FAM76B: variants seen among roughly 807,000 people sequenced by gnomAD.
FAM76B encodes protein FAM76B.
In FAM76B, 16 loss-of-function variants were observed where a neutral mutation model predicts 51.8. The ratio of observed to expected loss-of-function variants is 0.31; its 90% CI spans 0.21 to 0.47. The LOEUF is 0.47. Among genes scored for constraint, FAM76B ranks in the 20% least tolerant of loss-of-function variants. The probability of loss-of-function intolerance (pLI) is 1.00; values close to 1 mark genes in which losing one functional copy is unlikely to be tolerated. For synonymous variants in FAM76B, 166 were observed against 129.5 expected (o/e 1.28, Z -1.91); for missense variants, 342 against 392.6 (o/e 0.87, Z 1.09).
intron 5 of FAM76B, among the ~76,000 whole-genome samples, chr11:95,782,043 GAACA>G (rs1460429821): frequency 3.9e-5 from 6 of 152,080 alleles, no homozygotes; most frequent in African/African-American, 9.7e-5. Flanking sequence ...AAAAATTTAA[GAACA>G]AACAATAAAT....
chr11:95,780,811 G>A (rs879336861), intron 5 of FAM76B, among the ~76,000 whole-genome samples: 2 of 151,880 alleles, frequency 1.3e-5, no homozygotes, highest in African/African-American at 2.4e-5. Flanking sequence ...ACTGATATGA[G>A]CATTAAATGA....
At position 95,770,751 on chromosome 11, in the gene FAM76B, T is replaced by C. The variant is rs1859730846; in HGVS notation, c.*810A>G. On this transcript the variant is annotated 3_prime_UTR_variant, in exon 10 of 10. Transcript: ENST00000358780. ...ATCTCAAACATTTTACTAGCAACTTTGATTTCCTTTTGAAATAGGCTTCTG... is the reference window on the plus strand; with the variant it reads ...ATCTCAAACATTTTACTAGCAACTTCGATTTCCTTTTGAAATAGGCTTCTG... The C allele has an allele frequency of 6.6e-6, 1 of 151,792 alleles. No individual in the cohort carries two copies. The highest frequency in any genetic ancestry group is 2.4e-5 in the African/African-American group (1 of 41,366). The allele number at this position is 151,792 out of a possible 1,614,324, so 9.4% of individuals were successfully genotyped here.
In FAM76B at chr11:95,784,531, G is replaced by T. The variant is rs184017523; in HGVS notation, c.364-1267C>A. ...AGGCACTCTTAGCACTGTTGGCCAT[G>T]AGTGCAATTAAATTAATCGACAGTG... On this transcript the variant is annotated intron_variant, in intron 4 of 9. Transcript: ENST00000358780. Among the ~76,000 whole-genome samples, 214 of 151,510 alleles carry T rather than the reference G, an allele frequency of 1.4e-3. 2 individuals are homozygous for T. The highest frequency in any genetic ancestry group is 4.9e-3 in the African/African-American group (200 of 41,222).
At chr11:95,787,901 A>G (rs1860690183) in intron 2 of FAM76B, among the ~76,000 whole-genome samples, 1 of 152,258 alleles carries the variant, frequency 6.6e-6, no homozygotes, top group African/African-American at 2.4e-5. Flanking sequence ...TGTAAACAAA[A>G]CATCTTAATG....
At chr11:95,776,377 T>C (rs1186959185) in intron 8 of FAM76B, among the ~76,000 whole-genome samples, 3 of 151,446 alleles carry the variant, frequency 2.0e-5, no homozygotes, top group African/African-American at 7.3e-5. Context: ...ACTTCAATAA[T>C]AGTAAAAACA....
chr11:95,783,110 TGATGATGTTTTG>T lies in FAM76B; in HGVS notation c.506_517del (p.Pro169_His172del). ...ACGATGGTGATGGTGATGATGGTGG[TGATGATGTTTTG>T]GATGATGCTGGTCTTTCTCAGTAAG... On this transcript the variant is annotated inframe_deletion, in exon 5 of 10. Transcript: ENST00000358780. The T allele has an allele frequency of 6.2e-7, 1 of 1,613,376 alleles. No homozygotes were observed. Among genetic ancestry groups the T allele is most frequent in the Non-Finnish European group, 8.5e-7 (1 of 1,179,418 alleles).
chr11:95,785,055 C>T (rs953786288), intron 4 of FAM76B, among the ~76,000 whole-genome samples: 1 of 152,148 alleles, frequency 6.6e-6, no homozygotes, highest in Non-Finnish European at 1.5e-5. Context: ...GTTTTAGTTA[C>T]CCATAGTCAA....
chr11:95,787,264 C>T (rs887000021), intron 3 of FAM76B, among the ~76,000 whole-genome samples: 4 of 151,856 alleles, frequency 2.6e-5, no homozygotes, highest in African/African-American at 9.7e-5. Context: ...GACGCAGTCT[C>T]GCTCTGTCCC....
chr11:95,776,305 T>G (rs1020816637), intron 8 of FAM76B, among the ~76,000 whole-genome samples: 1 of 151,448 alleles, frequency 6.6e-6, no homozygotes, highest in Admixed American at 6.6e-5. Flanking sequence ...GTTTGGCAAC[T>G]GGTATGCCAA....
At chr11:95,785,286 T>G (rs895813779) in intron 4 of FAM76B, among the ~76,000 whole-genome samples, 1 of 152,210 alleles carries the variant, frequency 6.6e-6, no homozygotes, top group South Asian at 2.1e-4. Flanking sequence ...AGGCATCCAC[T>G]GGTCTTAGAA....
intron 5 of FAM76B, among the ~76,000 whole-genome samples, chr11:95,782,278 C>A (rs1198582312): frequency 6.6e-6 from 1 of 152,090 alleles, no homozygotes; most frequent in Non-Finnish European, 1.5e-5. Context: ...CTTGAACAAC[C>A]CAGGTTTGAA....
At position 95,788,920 on chromosome 11, in the gene FAM76B, C is replaced by T. The variant is rs1487157338; in HGVS notation, c.88-357G>A. On this transcript the variant is annotated intron_variant, in intron 1 of 9. Coordinates refer to ENST00000358780, the MANE Select transcript of FAM76B (RefSeq NM_144664.5). ...GGGAGGAGCTCCAAATCAGAGCATT[C>T]TGTTCCCAAACCAGTCGCTTCGCTT... 3 of 1,352,450 alleles carry T rather than the reference C, an allele frequency of 2.2e-6. No individual in the cohort carries two copies. The Admixed American group carries it at 6.6e-5, about 30-fold the overall frequency. The allele number at this position is 1,352,450 out of a possible 1,614,324, so 83.8% of individuals were successfully genotyped here.
chr11:95,776,012 T>C lies in FAM76B; in HGVS notation c.840A>G (p.Leu280=), dbSNP rs1184278354. ...ILEKDKKLTE[L]KADFQYQESN... ...ACTCTTGGTACTGAAAGTCTGCCTTTAGTTCAGTTAACTGAGAGATTAAAG... is the reference window on the plus strand; with the variant it reads ...ACTCTTGGTACTGAAAGTCTGCCTTCAGTTCAGTTAACTGAGAGATTAAAG... Residue 280 remains leucine (L), a synonymous_variant, in exon 9 of 10, where the codon CTA becomes CTG. Transcript: ENST00000358780. 1 of 1,584,588 alleles carries C rather than the reference T, an allele frequency of 6.3e-7. No homozygotes were observed. The highest frequency in any genetic ancestry group is 1.1e-5 in the South Asian group (1 of 86,966).
chr11:95,783,012 T>A, intron 5 of FAM76B, 53 bp downstream of exon 5: 2 of 1,598,300 alleles, frequency 1.3e-6, no homozygotes, highest in Non-Finnish European at 1.7e-6. Context: ...CATCAATAAA[T>A]GGCATTAAAA....
chr11:95,777,067 C>T (rs542029095), intron 8 of FAM76B, among the ~76,000 whole-genome samples: 128 of 151,434 alleles, frequency 8.5e-4, no homozygotes, highest in African/African-American at 2.9e-3. Context: ...ACTCTATTCA[C>T]TACACTGTGA....
In FAM76B at chr11:95,768,980, T is replaced by C. The variant is rs1443572623; in HGVS notation, c.*2581A>G. 1 of 152,416 alleles carries C rather than the reference T, an allele frequency of 6.6e-6. No homozygotes were observed. Among genetic ancestry groups the C allele is most frequent in the African/African-American group, 2.4e-5 (1 of 41,416 alleles). The allele number at this position is 152,416 out of a possible 1,614,324, so 9.4% of individuals were successfully genotyped here. On this transcript the variant is annotated 3_prime_UTR_variant, in exon 10 of 10. Transcript: ENST00000358780. ...CTTTGACAAGTTTTTTATTGTGAAA[T>C]ATTGGATCTAGAAAAAAGTACAAAA...
chr11:95,787,642 A>G lies in FAM76B; in HGVS notation c.189T>C (p.Asn63=). 6.2e-7 allele frequency: 1 copy of G among 1,610,894 alleles called. No individual in the cohort carries two copies. The highest frequency in any genetic ancestry group is 2.2e-5 in the East Asian group (1 of 44,846). ...TNTICKKCAQ[N]VKQFGTPKPC... is the part of the protein sequence containing the mutation. ...TACTTACCGTCCCAAATTGCTTCAC[A>G]TTTTGAGCACACTTCTTACAAATTG... Residue 63 remains asparagine, a synonymous_variant, in exon 3 of 10, where the codon AAT becomes AAC. Coordinates refer to ENST00000358780, the MANE Select transcript of FAM76B (RefSeq NM_144664.5).
chr11:95,789,316 C>T, intron 1 of FAM76B, 76 bp downstream of exon 1: 1 of 1,452,432 alleles, frequency 6.9e-7, no homozygotes, highest in Admixed American at 2.0e-5. Context: ...AGAGGGGCTG[C>T]AGTGCAGCGG....
chr11:95,783,320 A>G (rs569053059), intron 4 of FAM76B, 56 bp from the exon 5 acceptor site: 39 of 1,517,104 alleles, frequency 2.6e-5, no homozygotes, highest in Non-Finnish European at 3.4e-5. Flanking sequence ...TGTAAACGAA[A>G]CCAGGTAAGA....
Sources: gnomAD v4.1 joint callset for allele counts (sites outside exome capture counted in the v4.1 genomes callset) on GRCh38, gnomAD v4.1.1 for gene constraint, MANE v1.5 for transcripts, NCBI Gene and HGNC (gene_info 2026-07-23, HGNC 2026-07-21) for gene names.